The following NKAIN3 variants were observed in gnomAD, a reference collection of about 807,000 sequenced individuals.
The protein encoded by NKAIN3 is sodium/potassium-transporting ATPase subunit beta-1-interacting protein 3.
In NKAIN3, 25 loss-of-function variants were observed where a neutral mutation model predicts 30.2. That is an observed-to-expected ratio of 0.83 (90% CI 0.60 to 1.16). The LOEUF (loss-of-function observed/expected upper bound fraction) is 1.16, where lower values mean the gene tolerates loss of function less well. Ranked by LOEUF, NKAIN3 falls within the 50% of genes most tolerant of loss-of-function variation. The probability of loss-of-function intolerance (pLI) is 0.00; values close to 1 mark genes in which losing one functional copy is unlikely to be tolerated. For missense variants in NKAIN3, 225 were observed against 254.1 expected (o/e 0.89, Z 0.78); for synonymous variants, 91 against 89.6 (o/e 1.02, Z -0.09).
At chr8:62,917,935 C>T (rs921486895) in intron 4 of NKAIN3, among the ~76,000 whole-genome samples, 3 of 152,222 alleles carry the variant, frequency 2.0e-5, no homozygotes, top group Non-Finnish European at 4.4e-5. Context: ...AGCAAGTTAA[C>T]GTGTTTTCTT....
chr8:62,973,666 T>A lies in NKAIN3; in HGVS notation c.*8259T>A, dbSNP rs1002347868. Among the ~76,000 whole-genome samples, 7 of 152,100 alleles carry A rather than the reference T, an allele frequency of 4.6e-5. No individual in the cohort carries two copies. The highest frequency in any genetic ancestry group is 1.7e-4 in the African/African-American group (7 of 41,348). ...TTTGCTGCACAGAAGCTCCTTAGTT[T>A]AATTAGATCCCATTTGTCAATTTTG... On this transcript the variant is annotated 3_prime_UTR_variant, in exon 7 of 7. Transcript: ENST00000623646.
chr8:62,500,529 G>A (rs1807414054), intron 1 of NKAIN3, among the ~76,000 whole-genome samples: 1 of 149,028 alleles, frequency 6.7e-6, no homozygotes, highest in Non-Finnish European at 1.5e-5. Context: ...AAGAGTGAGG[G>A]AGGGAGGGAG....
intron 4 of NKAIN3, among the ~76,000 whole-genome samples, chr8:62,771,750 G>A (rs28843435): frequency 0.088 from 13,363 of 152,014 alleles, 609 homozygotes; most frequent in Middle Eastern, 0.092. Flanking sequence ...GAAAATCAAG[G>A]AGAAATTCTT....
At chr8:62,628,281 C>T (rs1811849335) in intron 3 of NKAIN3, among the ~76,000 whole-genome samples, 1 of 152,144 alleles carries the variant, frequency 6.6e-6, no homozygotes, top group Non-Finnish European at 1.5e-5. Flanking sequence ...ATGTCATTAT[C>T]TCTACACTGA....
At chr8:62,656,160 G>A (rs1379209080) in intron 3 of NKAIN3, among the ~76,000 whole-genome samples, 1 of 152,086 alleles carries the variant, frequency 6.6e-6, no homozygotes, top group Non-Finnish European at 1.5e-5. Context: ...AGCCGATTTT[G>A]CTGCCATTTT....
At chr8:62,623,887 T>C (rs1311650728) in intron 3 of NKAIN3, among the ~76,000 whole-genome samples, 1 of 152,058 alleles carries the variant, frequency 6.6e-6, no homozygotes, top group African/African-American at 2.4e-5. Context: ...AGCAGCAGTG[T>C]GAGTTACTCA....
intron 1 of NKAIN3, among the ~76,000 whole-genome samples, chr8:62,466,428 T>C (rs1806166359): frequency 6.6e-6 from 1 of 152,154 alleles, no homozygotes; most frequent in Non-Finnish European, 1.5e-5. Flanking sequence ...TACTCAGATG[T>C]CAAACAACTG....
chr8:62,713,247 T>C (rs1814781429), intron 3 of NKAIN3, among the ~76,000 whole-genome samples: 1 of 152,232 alleles, frequency 6.6e-6, no homozygotes, highest in Non-Finnish European at 1.5e-5. Flanking sequence ...TCTTGGTTTT[T>C]ATTTTTGACT....
At chr8:62,917,658 G>C (rs1822149097) in intron 4 of NKAIN3, among the ~76,000 whole-genome samples, 1 of 152,132 alleles carries the variant, frequency 6.6e-6, no homozygotes, top group Admixed American at 6.5e-5. Context: ...CGTTAACAAA[G>C]ACAAGAAGAT....
chr8:62,556,796 T>C (rs1282485609), intron 1 of NKAIN3, among the ~76,000 whole-genome samples: 1 of 151,958 alleles, frequency 6.6e-6, no homozygotes, highest in African/African-American at 2.4e-5. Flanking sequence ...GCAAAAATCT[T>C]AAGAGCTAAA....
chr8:62,870,304 C>T (rs1445221190), intron 4 of NKAIN3, among the ~76,000 whole-genome samples: 18 of 58,162 alleles, frequency 3.1e-4, no homozygotes, highest in Admixed American at 2.4e-3. Context: ...ATATATACAT[C>T]TATATATAGA....
chr8:62,363,976 G>A (rs1410497983), intron 1 of NKAIN3, among the ~76,000 whole-genome samples: 1 of 152,202 alleles, frequency 6.6e-6, no homozygotes, highest in Non-Finnish European at 1.5e-5. Flanking sequence ...AAACGATGTG[G>A]AAGGATGCAG....
At chr8:62,560,101 C>T (rs1404377720) in intron 1 of NKAIN3, among the ~76,000 whole-genome samples, 1 of 152,052 alleles carries the variant, frequency 6.6e-6, no homozygotes, top group Admixed American at 6.6e-5. Flanking sequence ...GCTTTTCATT[C>T]TGGCTTTTGT....
chr8:62,262,661 C>T (rs752174760), intron 1 of NKAIN3, among the ~76,000 whole-genome samples: 36 of 152,102 alleles, frequency 2.4e-4, no homozygotes, highest in Non-Finnish European at 4.3e-4. Flanking sequence ...GTCTTTTCAT[C>T]TACAAGAGAG....
chr8:62,868,607 T>TG (rs1473898529), intron 4 of NKAIN3, among the ~76,000 whole-genome samples: 1 of 152,244 alleles, frequency 6.6e-6, no homozygotes, highest in Non-Finnish European at 1.5e-5. Context: ...CCCTGTGCTT[T>TG]GGGACCCTGT....
chr8:62,865,223 A>G (rs1820382501), intron 4 of NKAIN3, among the ~76,000 whole-genome samples: 1 of 152,116 alleles, frequency 6.6e-6, no homozygotes, highest in African/African-American at 2.4e-5. Flanking sequence ...TAGTTTACAG[A>G]TTTCCTGATC....
chr8:62,274,614 C>G (rs1348272125), intron 1 of NKAIN3, among the ~76,000 whole-genome samples: 1 of 151,750 alleles, frequency 6.6e-6, no homozygotes, highest in Admixed American at 6.6e-5. Flanking sequence ...TATTATTATA[C>G]TTTAAGTTTT....
At chr8:62,686,461 G>C (rs1421559438) in intron 3 of NKAIN3, among the ~76,000 whole-genome samples, 2 of 152,108 alleles carry the variant, frequency 1.3e-5, no homozygotes, top group Non-Finnish European at 2.9e-5. Flanking sequence ...AGAAAAAAAA[G>C]TGTTTTTAGA....
At chr8:62,379,193 CT>C (rs1817190396) in intron 1 of NKAIN3, among the ~76,000 whole-genome samples, 1 of 152,172 alleles carries the variant, frequency 6.6e-6, no homozygotes, top group African/African-American at 2.4e-5. Flanking sequence ...ATTTCTCCCA[CT>C]TGTAGTGGGT....
Sources: allele counts gnomAD v4.1 joint callset (sites outside exome capture counted in the v4.1 genomes callset), GRCh38; gene constraint gnomAD v4.1.1; transcripts MANE v1.5; gene names NCBI Gene and HGNC (gene_info 2026-07-23, HGNC 2026-07-21).